Variants in WDR59 observed in about 807,000 individuals in gnomAD.
WDR59 encodes the protein WD repeat domain 59.
In WDR59, 100 loss-of-function variants were observed where a neutral mutation model predicts 131.2. The ratio of observed to expected loss-of-function variants is 0.76; its 90% CI spans 0.65 to 0.90. The LOEUF (loss-of-function observed/expected upper bound fraction) is 0.90. Among genes scored for constraint, WDR59 ranks in the 40% least tolerant of loss-of-function variants. The probability of loss-of-function intolerance (pLI) is 0.00; values close to 1 mark genes in which losing one functional copy is unlikely to be tolerated. For missense variants in WDR59, 1,203 were observed against 1,262.2 expected, an observed-to-expected ratio of 0.95 and a Z score of 0.71; for synonymous variants, 601 against 466.2, an observed-to-expected ratio of 1.29 and a Z score of -3.72.
chr16:74,937,343 G>A lies in WDR59; in HGVS notation c.651+807C>T, dbSNP rs551215495. ...CTGTGAAATGCTGATGCCTGAAAAC[G>A]TCAGAACTTTCTACATACGATAAGC... On this transcript the variant is annotated intron_variant, in intron 8 of 25. Transcript: ENST00000262144. Among the ~76,000 whole-genome samples, 8 of 152,282 alleles carry A rather than the reference G, an allele frequency of 5.3e-5. No homozygotes were observed. The South Asian group carries it at 8.3e-4, about 16-fold the overall frequency.
intron 4 of WDR59, 97 bp downstream of exon 4, chr16:74,951,361 C>G (rs536771797): frequency 1.6e-6 from 2 of 1,213,734 alleles, no homozygotes; most frequent in African/African-American, 1.5e-5. Context: ...GCAACACAGA[C>G]AGTCAAGCCA....
chr16:74,973,655 C>T (rs1404557825), intron 1 of WDR59, among the ~76,000 whole-genome samples: 3 of 152,216 alleles, frequency 2.0e-5, no homozygotes, highest in Middle Eastern at 3.2e-3. Context: ...CTTGTTCACA[C>T]GCTCAGCAAT....
At chr16:74,970,940 A>G (rs926859237) in intron 1 of WDR59, among the ~76,000 whole-genome samples, 1 of 151,954 alleles carries the variant, frequency 6.6e-6, no homozygotes, top group African/African-American at 2.4e-5. Flanking sequence ...ACTCCCAGCT[A>G]CTTGGGGGGC....
At chr16:74,889,601 C>A in intron 21 of WDR59, 102 bp downstream of exon 21, 1 of 850,972 alleles carries the variant, frequency 1.2e-6, no homozygotes, top group Non-Finnish European at 1.9e-6. Context: ...CCTTTCATTC[C>A]TCGGGCCTCT....
chr16:74,984,965 T>G lies in WDR59; in HGVS notation c.53A>C (p.Gln18Pro). ...ENVVVEFRDS[Q>P]ATAMSVDCLG... is the part of the protein sequence containing the mutation. ...GGCTCCACTCGGCCTCTAGCTCACC[T>G]GGGAGTCACGGAACTCTACAACCAC... Residue 18 changes from glutamine (Q) to proline (P), a missense_variant and splice_region_variant, in exon 1 of 26, where the codon CAG becomes CCG. Coordinates refer to ENST00000262144, the MANE Select transcript of WDR59 (RefSeq NM_030581.4). 2 of 1,604,164 alleles carry G rather than the reference T, an allele frequency of 1.2e-6. No homozygotes were observed. The highest frequency in any genetic ancestry group is 1.7e-6 in the Non-Finnish European group (2 of 1,175,654).
In WDR59 at chr16:74,953,927, G is replaced by A. The variant is rs188120340; in HGVS notation, c.241-2384C>T. Among the ~76,000 whole-genome samples the A allele has an allele frequency of 6.4e-3, 965 of 150,980 alleles. 7 individuals are homozygous for A. Among genetic ancestry groups the A allele is most frequent in the African/African-American group, 0.022 (886 of 41,122 alleles). The stretch of plus-strand genomic sequence containing the variant: ...TGAGGCAGGAGAATGGCGTGAACCC[G>A]GGAGGTGGAGCTTGCAGAGAGCTGA... On this transcript the variant is annotated intron_variant, in intron 3 of 25. Coordinates refer to ENST00000262144, the MANE Select transcript of WDR59 (RefSeq NM_030581.4).
intron 22 of WDR59, 105 bp from the exon 23 acceptor site, chr16:74,887,860 G>T: frequency 8.4e-7 from 1 of 1,186,754 alleles, no homozygotes; most frequent in Non-Finnish European, 1.2e-6. Context: ...GCTCATGCCT[G>T]TAATCCTAGC....
chr16:74,923,324 A>G (rs1016226023), intron 9 of WDR59, among the ~76,000 whole-genome samples: 7 of 152,076 alleles, frequency 4.6e-5, no homozygotes, highest in African/African-American at 1.7e-4. Context: ...ACCACAATTC[A>G]CAGACCTCAA....
chr16:74,970,619 G>A (rs1597813406), intron 1 of WDR59, among the ~76,000 whole-genome samples: 1 of 150,820 alleles, frequency 6.6e-6, no homozygotes, highest in Admixed American at 6.7e-5. Flanking sequence ...ACAGCTTGCT[G>A]TGTTTAGTTA....
Position 74,872,265 on chromosome 16 carries a change from A to G in WDR59, c.*1944T>C, listed in dbSNP as rs1964024893. 2 of 152,230 alleles carry G rather than the reference A, an allele frequency of 1.3e-5. No homozygotes were observed. Among genetic ancestry groups the G allele is most frequent in the Admixed American group, 6.5e-5 (1 of 15,278 alleles). The allele number at this position is 152,230 out of a possible 1,614,324, so 9.4% of individuals were successfully genotyped here. ...ACACATGAATATGCAATGCTCTCCC[A>G]TTATGAGACATGTCCTAGTCCCTAA... On this transcript the variant is annotated 3_prime_UTR_variant, in exon 26 of 26. Coordinates refer to ENST00000262144, the MANE Select transcript of WDR59 (RefSeq NM_030581.4).
intron 1 of WDR59, among the ~76,000 whole-genome samples, chr16:74,977,399 G>A (rs890756675): frequency 6.6e-6 from 1 of 152,102 alleles, no homozygotes; most frequent in South Asian, 2.1e-4. Context: ...ATAAGAAAGA[G>A]ACAATGCAGC....
chr16:74,953,874 C>T (rs1205472097), intron 3 of WDR59, among the ~76,000 whole-genome samples: 2 of 151,370 alleles, frequency 1.3e-5, no homozygotes, highest in Admixed American at 6.6e-5. Context: ...TGGTGGTGGA[C>T]GCCTGTAGTC....
intron 25 of WDR59, among the ~76,000 whole-genome samples, chr16:74,884,506 G>A (rs1200693529): frequency 3.3e-5 from 5 of 152,146 alleles, no homozygotes; most frequent in African/African-American, 4.8e-5. Flanking sequence ...GCACTAGCAC[G>A]CCTGGCTAAT....
chr16:74,934,156 A>T (rs897146109), intron 8 of WDR59, among the ~76,000 whole-genome samples: 4 of 152,216 alleles, frequency 2.6e-5, no homozygotes, highest in Non-Finnish European at 4.4e-5. Flanking sequence ...AAAGCTAGCA[A>T]AGAAAAGTTC....
chr16:74,962,288 G>A (rs778192972), intron 2 of WDR59, among the ~76,000 whole-genome samples: 22 of 152,038 alleles, frequency 1.4e-4, no homozygotes, highest in Non-Finnish European at 2.4e-4. Flanking sequence ...TTTGGGTTCC[G>A]TATGAATTTC....
At chr16:74,910,060 C>T (rs963730680) in intron 14 of WDR59, 143 bp from the exon 15 acceptor site, 27 of 653,758 alleles carry the variant, frequency 4.1e-5, no homozygotes, top group African/African-American at 3.2e-4. Flanking sequence ...CTCTGCCTCC[C>T]GTCTTCAAGT....
rs1386979447 is a variant in WDR59 at position 74,926,013 on chromosome 16, A to G, written c.652-2010T>C. 2.6e-5 allele frequency among the ~76,000 whole-genome samples: 4 copies of G among 152,082 alleles called. No individual in the cohort carries two copies. The East Asian group carries it at 7.7e-4, about 29-fold the overall frequency. On this transcript the variant is annotated intron_variant, in intron 8 of 25. Transcript: ENST00000262144. ...AAAAAATGTTTTTAATAAAAAAAAAAAAAAGTATATCAGACTATATGGAAA... is the reference window on the plus strand; with the variant it reads ...AAAAAATGTTTTTAATAAAAAAAAAGAAAAGTATATCAGACTATATGGAAA...
In WDR59 at chr16:74,909,540, G is replaced by A. The variant is rs1181447066; in HGVS notation, c.1603C>T (p.Pro535Ser). Reference sequence around the variant, plus strand: ...CTGGCCCCAGAAGTCCTAGGAAAGGGAATGTTGGCGTCCTGGTACGACCCG... The same window carrying A: ...CTGGCCCCAGAAGTCCTAGGAAAGGAAATGTTGGCGTCCTGGTACGACCCG... ...AYGSYQDANI[P>S]FPRTSGARFC... is the part of the protein sequence containing the mutation. The change falls in exon 16 of 26, where the codon CCC (proline) becomes TCC (serine). Residue 535 changes from proline to serine, a missense_variant. Pro to Ser is a moderately conservative substitution (Grantham distance 74). Coordinates refer to ENST00000262144, the MANE Select transcript of WDR59 (RefSeq NM_030581.4). 1 of 1,602,270 alleles carries A rather than the reference G, an allele frequency of 6.2e-7. No individual in the cohort carries two copies. Among genetic ancestry groups the A allele is most frequent in the Non-Finnish European group, 8.5e-7 (1 of 1,175,816 alleles).
At position 74,917,121 on chromosome 16, in the gene WDR59, C is replaced by A. The variant is rs147836271; in HGVS notation, c.966+808G>T. On this transcript the variant is annotated intron_variant, in intron 11 of 25. Coordinates refer to ENST00000262144, the MANE Select transcript of WDR59 (RefSeq NM_030581.4). ...ATTTAGCCATCAAATGAGGAGAGGA[C>A]AGAACCCTGTGATAAGGCAGAGCAG... Among the ~76,000 whole-genome samples the A allele has an allele frequency of 7.9e-5, 12 of 152,252 alleles. No homozygotes were observed. The East Asian group carries it at 2.1e-3, about 27-fold the overall frequency.
Sources: gnomAD v4.1 joint callset for allele counts (sites outside exome capture counted in the v4.1 genomes callset) on GRCh38, gnomAD v4.1.1 for gene constraint, MANE v1.5 for transcripts, NCBI Gene and HGNC (gene_info 2026-07-23, HGNC 2026-07-21) for gene names.